The following USP10 variants were observed in gnomAD, a reference collection of about 807,000 sequenced individuals.
USP10 encodes the protein ubiquitin carboxyl-terminal hydrolase 10.
A neutral mutation model predicts 84.5 loss-of-function variants in USP10; 22 were observed. The ratio of observed to expected loss-of-function variants is 0.26; its 90% CI spans 0.19 to 0.37. The LOEUF (loss-of-function observed/expected upper bound fraction) is 0.37. USP10 is among the 10% of genes least tolerant of loss of function. The probability of loss-of-function intolerance (pLI) is 1.00; values close to 1 mark genes in which losing one functional copy is unlikely to be tolerated. For missense variants in USP10, 1,019 were observed against 998.9 expected, an observed-to-expected ratio of 1.02 and a Z score of -0.27; for synonymous variants, 454 against 387.6, an observed-to-expected ratio of 1.17 and a Z score of -2.01.
chr16:84,743,748 A>G (rs764524035), intron 3 of USP10, among the ~76,000 whole-genome samples: 3 of 152,256 alleles, frequency 2.0e-5, no homozygotes, highest in Non-Finnish European at 4.4e-5. Flanking sequence ...GGTGTAAACT[A>G]TAAAAATACG....
chr16:84,745,465 C>T lies in USP10; in HGVS notation c.984C>T (p.Gly328=), dbSNP rs1459054315. The T allele has an allele frequency of 6.2e-7, 1 of 1,613,506 alleles. No homozygotes were observed. Among genetic ancestry groups the T allele is most frequent in the Admixed American group, 1.7e-5 (1 of 60,002 alleles). Residue 328 remains glycine, a synonymous_variant, in exon 4 of 14, where the codon GGC becomes GGT. Coordinates refer to ENST00000219473, the MANE Select transcript of USP10 (RefSeq NM_005153.3). ...ESASPPADGT[G]SASGTLPVSQ... is the part of the protein sequence containing the mutation. ...CATCACCTCCTGCTGACGGCACGGG[C>T]TCTGCATCAGGCACCCTTCCTGTCA...
At chr16:84,712,570 AT>A (rs1906454588) in intron 1 of USP10, among the ~76,000 whole-genome samples, 1 of 152,174 alleles carries the variant, frequency 6.6e-6, no homozygotes, top group Admixed American at 6.5e-5. Flanking sequence ...TGTTTCTATA[AT>A]AGTTCTAGGC....
chr16:84,774,596 G>A (rs1035357324), intron 12 of USP10, among the ~76,000 whole-genome samples: 15 of 151,564 alleles, frequency 9.9e-5, no homozygotes, highest in Non-Finnish European at 1.6e-4. Context: ...TCAGCCTCCC[G>A]AGTAGCTGAG....
chr16:84,759,936 A>G lies in USP10; in HGVS notation c.1440A>G (p.Lys480=), dbSNP rs1161323105. 2 of 1,613,926 alleles carry G rather than the reference A, an allele frequency of 1.2e-6. No homozygotes were observed. Among genetic ancestry groups the G allele is most frequent in the East Asian group, 2.2e-5 (1 of 44,876 alleles). ...TCACTAATATGCCAGTACCTCCAAA[A>G]CCCCGACAAGGTTAGTAAAAATGAG... ...NEFTNMPVPP[K]PRQALGDKIV... Residue 480 remains lysine (K), a synonymous_variant, in exon 7 of 14, where the codon AAA becomes AAG. Transcript: ENST00000219473.
intron 11 of USP10, among the ~76,000 whole-genome samples, chr16:84,770,248 G>A (rs1914290479): frequency 6.6e-6 from 1 of 152,174 alleles, no homozygotes; most frequent in African/African-American, 2.4e-5. Flanking sequence ...TTCAACAGCA[G>A]ATGTTTCAGG....
chr16:84,776,098 A>G (rs1399074589), intron 13 of USP10, among the ~76,000 whole-genome samples: 2 of 152,092 alleles, frequency 1.3e-5, no homozygotes, highest in African/African-American at 4.8e-5. Context: ...ATATTCTTTC[A>G]TTTCCTTACA....
At chr16:84,714,985 A>G (rs1205292113) in intron 1 of USP10, among the ~76,000 whole-genome samples, 1 of 149,274 alleles carries the variant, frequency 6.7e-6, no homozygotes, top group African/African-American at 2.5e-5. Context: ...GCTGGAGTGC[A>G]GTTCGCAGTC....
At chr16:84,730,667 C>T (rs1164774387) in intron 1 of USP10, among the ~76,000 whole-genome samples, 1 of 152,130 alleles carries the variant, frequency 6.6e-6, no homozygotes, top group Non-Finnish European at 1.5e-5. Flanking sequence ...TTCTCCTCCT[C>T]TCCTCCTCTG....
intron 12 of USP10, among the ~76,000 whole-genome samples, chr16:84,774,792 A>G (rs1446835131): frequency 2.0e-5 from 3 of 152,038 alleles, no homozygotes. Flanking sequence ...TTATGATCTG[A>G]CGCATATGTA....
intron 1 of USP10, chr16:84,733,106 G>A (rs763472070): frequency 2.1e-6 from 1 of 469,708 alleles, no homozygotes; most frequent in Non-Finnish European, 4.2e-6. Flanking sequence ...CAGCAGAAAG[G>A]TAAATGGAAC....
chr16:84,779,038 C>T lies in USP10; in HGVS notation c.2353C>T (p.Arg785Cys), dbSNP rs372707225. 4.5e-5 allele frequency: 73 copies of T among 1,613,888 alleles called. No individual in the cohort carries two copies. Among genetic ancestry groups the T allele is most frequent in the Non-Finnish European group, 5.8e-5 (69 of 1,179,894 alleles). The change falls in exon 14 of 14, where the codon CGC (arginine) becomes TGC (cysteine). Residue 785 changes from arginine (R) to cysteine (C), a missense_variant. Coordinates refer to ENST00000219473, the MANE Select transcript of USP10 (RefSeq NM_005153.3). ...CCAGGTGGTGAAACCAACTGCTGAA[C>T]GCACAGCCTACCTCCTGTATTACCG... ...QYQVVKPTAE[R>C]TAYLLYYRRV...
At chr16:84,700,745 A>G (rs759477983) in intron 1 of USP10, among the ~76,000 whole-genome samples, 20 of 152,296 alleles carry the variant, frequency 1.3e-4, no homozygotes, top group Middle Eastern at 3.4e-3. Context: ...CATCCCTTGC[A>G]CGAATCCATC....
At chr16:84,718,722 C>T (rs1362202506) in intron 1 of USP10, among the ~76,000 whole-genome samples, 1 of 151,886 alleles carries the variant, frequency 6.6e-6, no homozygotes, top group African/African-American at 2.4e-5. Flanking sequence ...CGCCACTGCA[C>T]TCCAGGTTGG....
At chr16:84,776,233 G>C (rs1318376931) in intron 13 of USP10, among the ~76,000 whole-genome samples, 2 of 152,182 alleles carry the variant, frequency 1.3e-5, no homozygotes, top group African/African-American at 4.8e-5. Context: ...GTCCACCTCA[G>C]CTCACGCCCG....
At chr16:84,734,883 T>G (rs947972224) in intron 2 of USP10, among the ~76,000 whole-genome samples, 13 of 152,158 alleles carry the variant, frequency 8.5e-5, no homozygotes, top group Non-Finnish European at 4.4e-5. Context: ...CTCCTCACCA[T>G]TCATTGGGAA....
intron 8 of USP10, among the ~76,000 whole-genome samples, chr16:84,762,248 C>CA (rs776907182): frequency 6.6e-6 from 1 of 152,244 alleles, no homozygotes; most frequent in South Asian, 2.1e-4. Context: ...TCATCAAAGA[C>CA]AGACAGAAGC....
At chr16:84,765,979 T>C (rs989458082) in intron 10 of USP10, among the ~76,000 whole-genome samples, 1 of 152,230 alleles carries the variant, frequency 6.6e-6, no homozygotes, top group South Asian at 2.1e-4. Context: ...AGAGGCCTCA[T>C]TGGAGCCTAA....
intron 8 of USP10, 67 bp from the exon 9 acceptor site, chr16:84,762,922 C>G: frequency 1.1e-6 from 1 of 941,464 alleles, no homozygotes; most frequent in Non-Finnish European, 1.6e-6. Context: ...TTTGCAAGTA[C>G]TGCATGTCCT....
chr16:84,748,990 G>A (rs1400991235), intron 4 of USP10, among the ~76,000 whole-genome samples: 2 of 152,170 alleles, frequency 1.3e-5, no homozygotes, highest in African/African-American at 4.8e-5. Flanking sequence ...GAGCAAAAGT[G>A]TAGTTTCTTT....
Sources: allele counts gnomAD v4.1 joint callset (sites outside exome capture counted in the v4.1 genomes callset), GRCh38; gene constraint gnomAD v4.1.1; transcripts MANE v1.5; gene names NCBI Gene and HGNC (gene_info 2026-07-23, HGNC 2026-07-21).